Variants in GPC5 observed in about 807,000 individuals in gnomAD.
GPC5 encodes the protein glypican 5.
Under a neutral mutation model 53.9 loss-of-function variants are expected in GPC5, and 47 were observed. The ratio of observed to expected loss-of-function variants is 0.87; its 90% confidence interval spans 0.69 to 1.11. GPC5 has a LOEUF of 1.11. Ranked by LOEUF, GPC5 falls within the 50% of genes most tolerant of loss-of-function variation. The pLI is 0.00. For synonymous variants in GPC5, 286 were observed against 263.3 expected, an observed-to-expected ratio of 1.09 and a Z score of -0.84; for missense variants, 748 against 713.1, an observed-to-expected ratio of 1.05 and a Z score of -0.56.
intron 7 of GPC5, among the ~76,000 whole-genome samples, chr13:92,459,918 G>C (rs1288887654): frequency 6.6e-6 from 1 of 151,962 alleles, no homozygotes; most frequent in Non-Finnish European, 1.5e-5. Flanking sequence ...TTTTCTGCTA[G>C]ATTGTGGTTT....
At chr13:91,860,520 TA>T (rs1226230240) in intron 5 of GPC5, among the ~76,000 whole-genome samples, 13 of 147,434 alleles carry the variant, frequency 8.8e-5, no homozygotes, top group African/African-American at 2.6e-4. Context: ...TCTTTTTCTT[TA>T]TTTCTTTTTT....
At chr13:92,116,195 G>A (rs752876606) in intron 6 of GPC5, among the ~76,000 whole-genome samples, 41 of 152,148 alleles carry the variant, frequency 2.7e-4, no homozygotes, top group Non-Finnish European at 3.8e-4. Flanking sequence ...GCTGCAGTGA[G>A]CCATGATTGT....
chr13:91,808,081 C>G (rs901600015), intron 5 of GPC5, among the ~76,000 whole-genome samples: 1 of 151,986 alleles, frequency 6.6e-6, no homozygotes, highest in African/African-American at 2.4e-5. Context: ...TACTTCTAGA[C>G]TGTTTAAGAT....
chr13:92,374,656 G>T (rs1395817712), intron 7 of GPC5, among the ~76,000 whole-genome samples: 1 of 137,066 alleles, frequency 7.3e-6, no homozygotes, highest in Non-Finnish European at 1.5e-5. Context: ...TGAACAATGA[G>T]ATCACATGGA....
At chr13:92,212,786 C>T (rs903480072) in intron 7 of GPC5, among the ~76,000 whole-genome samples, 5 of 152,150 alleles carry the variant, frequency 3.3e-5, no homozygotes, top group Admixed American at 2.6e-4. Context: ...TGCTTTGGTC[C>T]GGTACCTAAA....
intron 5 of GPC5, among the ~76,000 whole-genome samples, chr13:91,812,011 A>G (rs2038319682): frequency 6.6e-6 from 1 of 152,232 alleles, no homozygotes; most frequent in Admixed American, 6.5e-5. Context: ...GTCTAGTGAA[A>G]CAAAATATAT....
chr13:91,979,046 A>G (rs1461641438), intron 6 of GPC5, among the ~76,000 whole-genome samples: 3 of 152,198 alleles, frequency 2.0e-5, no homozygotes, highest in Non-Finnish European at 2.9e-5. Flanking sequence ...AAGGGATAGA[A>G]TGAGAGAGGA....
intron 7 of GPC5, among the ~76,000 whole-genome samples, chr13:92,815,338 T>C (rs572747946): frequency 6.6e-6 from 1 of 151,932 alleles, no homozygotes; most frequent in Non-Finnish European, 1.5e-5. Context: ...GAGCAGAGAA[T>C]ACAAAATAAG....
chr13:92,613,358 A>G (rs1366968337), intron 7 of GPC5, among the ~76,000 whole-genome samples: 3 of 90,764 alleles, frequency 3.3e-5, no homozygotes, highest in East Asian at 3.2e-4. Context: ...ATAAATATAT[A>G]ATATATTTAT....
chr13:92,504,790 A>G (rs925187190), intron 7 of GPC5, among the ~76,000 whole-genome samples: 1 of 150,450 alleles, frequency 6.6e-6, no homozygotes, highest in African/African-American at 2.4e-5. Context: ...TGCAAAGAAA[A>G]GAGCACTGAA....
At chr13:92,381,131 C>T (rs1192972628) in intron 7 of GPC5, among the ~76,000 whole-genome samples, 2 of 152,144 alleles carry the variant, frequency 1.3e-5, no homozygotes, top group Non-Finnish European at 2.9e-5. Context: ...CACTGTAGGG[C>T]TAGTAAGGAA....
intron 7 of GPC5, among the ~76,000 whole-genome samples, chr13:92,397,758 G>C (rs1017341124): frequency 6.6e-6 from 1 of 152,136 alleles, no homozygotes; most frequent in Admixed American, 6.5e-5. Flanking sequence ...TATTGGCGCG[G>C]AAACAGCAAG....
intron 6 of GPC5, among the ~76,000 whole-genome samples, chr13:91,942,378 G>A (rs562435565): frequency 1.1e-4 from 17 of 152,026 alleles, no homozygotes; most frequent in Middle Eastern, 3.4e-3. Flanking sequence ...AGTCCATCAA[G>A]TCTCTAACAA....
intron 7 of GPC5, among the ~76,000 whole-genome samples, chr13:92,579,698 C>G (rs1009198287): frequency 1.1e-4 from 17 of 152,038 alleles, no homozygotes; most frequent in African/African-American, 4.1e-4. Context: ...ACATGTAACC[C>G]TTTTATTATT....
rs988578098 is a variant in GPC5 at position 92,866,607 on chromosome 13, TCAA to T, written c.*170_*172del. 3 of 483,074 alleles carry T rather than the reference TCAA, an allele frequency of 6.2e-6. No individual in the cohort carries two copies. Among genetic ancestry groups the T allele is most frequent in the Non-Finnish European group, 1.0e-5 (3 of 288,002 alleles). The allele number at this position is 483,074 out of a possible 1,614,324, so 29.9% of individuals were successfully genotyped here. ...GAAATATTCATAAAGTCCCTAAAAC[TCAA>T]CGTTTAAATGACACACTTTAAAAAT... On this transcript the variant is annotated 3_prime_UTR_variant, in exon 8 of 8. Coordinates refer to ENST00000377067, the MANE Select transcript of GPC5 (RefSeq NM_004466.6).
At chr13:92,058,838 T>C (rs1048715768) in intron 6 of GPC5, among the ~76,000 whole-genome samples, 5 of 152,138 alleles carry the variant, frequency 3.3e-5, no homozygotes, top group Non-Finnish European at 7.4e-5. Flanking sequence ...ACCACCGCCC[T>C]TGGCCAGAAT....
At chr13:92,149,846 T>C (rs1258686789) in intron 7 of GPC5, among the ~76,000 whole-genome samples, 3 of 152,016 alleles carry the variant, frequency 2.0e-5, no homozygotes, top group African/African-American at 7.2e-5. Context: ...TTGCAGATAC[T>C]ATTTTATAAA....
chr13:92,442,202 A>G (rs1236606256), intron 7 of GPC5, among the ~76,000 whole-genome samples: 1 of 152,212 alleles, frequency 6.6e-6, no homozygotes, highest in Non-Finnish European at 1.5e-5. Flanking sequence ...AACCCTAGCT[A>G]TCTATTGAAA....
At chr13:92,766,412 AG>A (rs1279648937) in intron 7 of GPC5, among the ~76,000 whole-genome samples, 3 of 152,232 alleles carry the variant, frequency 2.0e-5, no homozygotes, top group Non-Finnish European at 4.4e-5. Context: ...ACAGCCAAAT[AG>A]TAATAATGGT....
Sources: gnomAD v4.1 joint callset for allele counts (sites outside exome capture counted in the v4.1 genomes callset) on GRCh38, gnomAD v4.1.1 for gene constraint, MANE v1.5 for transcripts, NCBI Gene and HGNC (gene_info 2026-07-23, HGNC 2026-07-21) for gene names.